AGTPBP1: variants seen among roughly 807,000 people sequenced by gnomAD.
The protein encoded by AGTPBP1 is ATP/GTP binding carboxypeptidase 1.
In AGTPBP1, 70 loss-of-function variants were observed where a neutral mutation model predicts 143.9. The ratio of observed to expected loss-of-function variants is 0.49; its 90% CI spans 0.40 to 0.59. AGTPBP1 has a LOEUF of 0.59. Ranked by LOEUF, AGTPBP1 falls within the 20% of genes least tolerant of loss-of-function variation. AGTPBP1 has a pLI of 0.00. For missense variants in AGTPBP1, 1,229 were observed against 1,464.5 expected (o/e 0.84, Z 2.62); for synonymous variants, 463 against 500.2 (o/e 0.93, Z 0.99).
chr9:85,660,961 G>A lies in AGTPBP1; in HGVS notation c.675C>T (p.Asp225=). 1 of 1,596,092 alleles carries A rather than the reference G, an allele frequency of 6.3e-7. No homozygotes were observed. The highest frequency in any genetic ancestry group is 8.5e-7 in the Non-Finnish European group (1 of 1,172,872). Residue 225 remains aspartate, a synonymous_variant, in exon 9 of 26, where the codon GAC becomes GAT. Coordinates refer to ENST00000357081, the MANE Select transcript of AGTPBP1 (RefSeq NM_001330701.2). ...TTGATTTTAGCAATGCAGCAAGAGT[G>A]TCTAAAGCAACCCTGTCAACACAAC... is the stretch of plus-strand genomic sequence containing the variant. The part of the protein sequence containing the change: ...KNSSLIKVAL[D]TLAALLKSKT...
intron 2 of AGTPBP1, among the ~76,000 whole-genome samples, chr9:85,696,393 C>T (rs767087473): frequency 3.9e-5 from 6 of 152,024 alleles, no homozygotes; most frequent in Non-Finnish European, 8.8e-5. Flanking sequence ...CCCGGTCGGG[C>T]GCAGTGGCTC....
chr9:85,758,105 C>G, the AGTPBP1 span, among the ~76,000 whole-genome samples: 1 of 151,470 alleles, frequency 6.6e-6, no homozygotes, highest in Non-Finnish European at 1.5e-5. Context: ...CACATATATG[C>G]TGTTACCACA....
Position 85,586,890 on chromosome 9 carries a change from T to C in AGTPBP1, c.2974A>G (p.Thr992Ala), listed in dbSNP as rs1181623348. 5 of 1,613,962 alleles carry C rather than the reference T, an allele frequency of 3.1e-6. No homozygotes were observed. The highest frequency in any genetic ancestry group is 1.3e-5 in the African/African-American group (1 of 74,940). ...AACAGCCCCTTAGCATGGTAAATTG[T>C]AGGATGTAAATCCGGACTTGGACTT... ...WQSPSPDLHP[T>A]IYHAKGLLQY... The change falls in exon 22 of 26, where the codon ACA (threonine) becomes GCA (alanine). Residue 992 changes from threonine (T) to alanine (A), a missense_variant. This residue lies in a region of AGTPBP1 where 486 missense variants were observed against 652.3 expected (regional missense o/e 0.75). Transcript: ENST00000357081.
chr9:85,553,091 A>G (rs991209493), intron 25 of AGTPBP1, among the ~76,000 whole-genome samples: 1 of 152,234 alleles, frequency 6.6e-6, no homozygotes, highest in Non-Finnish European at 1.5e-5. Context: ...TAAAAATATC[A>G]CAAAGTAAAC....
intron 2 of AGTPBP1, among the ~76,000 whole-genome samples, chr9:85,705,893 T>C (rs2134414921): frequency 6.6e-6 from 1 of 152,078 alleles, no homozygotes; most frequent in Middle Eastern, 3.4e-3. Context: ...GGTTTCACCA[T>C]GTTAGCCAGG....
In AGTPBP1 at chr9:85,575,369, G is replaced by C; in HGVS notation, c.3449C>G (p.Ser1150Cys). ...LTSPLEYNLP[S>C]SLLDFENDLI... ...ATCATTTTCAAAGTCAAGCAGGCTGGAAGGCAGATTATACTCCAATGGAGA... is the reference window on the plus strand; with the variant it reads ...ATCATTTTCAAAGTCAAGCAGGCTGCAAGGCAGATTATACTCCAATGGAGA... Residue 1150 changes from serine to cysteine, a missense_variant, in exon 25 of 26, where the codon TCC (serine) becomes TGC (cysteine). Physicochemically the swap from Ser to Cys is moderately radical, Grantham distance 112. Around this residue, in one of 2 missense-constraint regions of AGTPBP1, gnomAD observed 486 missense variants for 652.3 expected, o/e 0.75. Transcript: ENST00000357081. 6.2e-7 allele frequency: 1 copy of C among 1,606,096 alleles called. No homozygotes were observed. The highest frequency in any genetic ancestry group is 1.1e-5 in the South Asian group (1 of 88,896).
At chr9:85,557,430 AGTACAAGAAGGTATGATATG>A in intron 25 of AGTPBP1, among the ~76,000 whole-genome samples, 1 of 152,190 alleles carries the variant, frequency 6.6e-6, no homozygotes. Context: ...CGATTTCCAA[AGTACAAGAAGGTATGATATG>A]ATCTCCAATT....
chr9:85,802,318 T>C, the AGTPBP1 span, among the ~76,000 whole-genome samples: 1 of 152,094 alleles, frequency 6.6e-6, no homozygotes, highest in East Asian at 1.9e-4. Context: ...CCTTTGCCTC[T>C]ACCACCACCA....
At chr9:85,773,543 G>A in the AGTPBP1 span, among the ~76,000 whole-genome samples, 8 of 151,364 alleles carry the variant, frequency 5.3e-5, no homozygotes, top group African/African-American at 1.7e-4. Context: ...TTACTATGTT[G>A]GTCAGGTTGG....
At chr9:85,674,651 A>T (rs1329808629) in intron 6 of AGTPBP1, among the ~76,000 whole-genome samples, 3 of 152,150 alleles carry the variant, frequency 2.0e-5, no homozygotes, top group Non-Finnish European at 4.4e-5. Flanking sequence ...AAATAAACTA[A>T]ATACATCTTT....
At chr9:85,646,778 G>A (rs990206642) in intron 11 of AGTPBP1, among the ~76,000 whole-genome samples, 4 of 152,116 alleles carry the variant, frequency 2.6e-5, no homozygotes, top group African/African-American at 9.7e-5. Context: ...TTCAATGACA[G>A]TCATGTGCCA....
intron 1 of AGTPBP1, among the ~76,000 whole-genome samples, chr9:85,736,060 T>C (rs1477589380): frequency 6.6e-6 from 1 of 152,074 alleles, no homozygotes; most frequent in African/African-American, 2.4e-5. Flanking sequence ...AACTTATGAG[T>C]TAGATATTAG....
chr9:85,672,632 G>A lies in AGTPBP1; in HGVS notation c.486C>T (p.Thr162=), dbSNP rs767334726. 6.2e-7 allele frequency: 1 copy of A among 1,612,318 alleles called. No homozygotes were observed. The highest frequency in any genetic ancestry group is 1.1e-5 in the South Asian group (1 of 91,010). Residue 162 remains threonine, a synonymous_variant, in exon 7 of 26, where the codon ACC becomes ACT. Coordinates refer to ENST00000357081, the MANE Select transcript of AGTPBP1 (RefSeq NM_001330701.2). ...KARINGALNI[T]LNLVKQNLQN... is the part of the protein sequence containing the mutation. ...GCAAATTCTGCTTGACCAAATTCAG[G>A]GTTATATTCAGAGCCCCATTAATTC...
intron 2 of AGTPBP1, among the ~76,000 whole-genome samples, chr9:85,698,357 G>T (rs913750945): frequency 2.6e-5 from 4 of 152,124 alleles, no homozygotes; most frequent in African/African-American, 9.7e-5. Context: ...GCAAATAAAT[G>T]GAAATAAACA....
the AGTPBP1 span, among the ~76,000 whole-genome samples, chr9:85,769,288 G>A: frequency 1.3e-5 from 2 of 152,022 alleles, no homozygotes; most frequent in Non-Finnish European, 2.9e-5. Flanking sequence ...TGGCCTCCAC[G>A]ATAGGTATGG....
chr9:85,661,055 A>T, intron 8 of AGTPBP1, 82 bp from the exon 9 acceptor site: 1 of 1,206,218 alleles, frequency 8.3e-7, no homozygotes, highest in Middle Eastern at 2.0e-4. Flanking sequence ...AATCTTTTTC[A>T]ATAAGTCATT....
At chr9:85,728,774 AG>A (rs1308823862) in intron 1 of AGTPBP1, among the ~76,000 whole-genome samples, 1 of 151,668 alleles carries the variant, frequency 6.6e-6, no homozygotes, top group Non-Finnish European at 1.5e-5. Flanking sequence ...CTTGCCAATC[AG>A]AAAAAAAAAA....
intron 8 of AGTPBP1, 33 bp from the exon 9 acceptor site, chr9:85,661,006 C>T: frequency 6.4e-7 from 1 of 1,561,852 alleles, no homozygotes; most frequent in Non-Finnish European, 8.7e-7. Context: ...CAAACAACAA[C>T]AAAACTAGTA....
chr9:85,548,707 T>C lies in AGTPBP1; in HGVS notation c.3504-1421A>G, dbSNP rs1406154285. ...TTTTTGTTTTTTGAGACAGAGTCTT[T>C]CTCTGTTGCCCAGGCTGGAGTGCAG... On this transcript the variant is annotated intron_variant, in intron 25 of 25. Coordinates refer to ENST00000357081, the MANE Select transcript of AGTPBP1 (RefSeq NM_001330701.2). Among the ~76,000 whole-genome samples the C allele has an allele frequency of 2.0e-5, 3 of 151,748 alleles. No individual in the cohort carries two copies. In the East Asian group the frequency reaches 5.8e-4, roughly 29 times the overall value.
Sources: allele counts gnomAD v4.1 joint callset (sites outside exome capture counted in the v4.1 genomes callset), GRCh38; gene constraint gnomAD v4.1.1; regional missense constraint gnomAD v4.1.1; transcripts MANE v1.5; gene names NCBI Gene and HGNC (gene_info 2026-07-23, HGNC 2026-07-21).